The following CPXM2 variants were observed in gnomAD, a reference collection of about 807,000 sequenced individuals.
CPXM2 encodes the protein carboxypeptidase X, M14 family member 2.
Under a neutral mutation model 86.1 loss-of-function variants are expected in CPXM2, and 66 were observed. The ratio of observed to expected loss-of-function variants is 0.77; its 90% CI spans 0.63 to 0.94. The LOEUF (loss-of-function observed/expected upper bound fraction) is 0.94. CPXM2 is among the 40% of genes least tolerant of loss of function. The pLI, the probability that CPXM2 is intolerant of heterozygous loss-of-function variation, is 0.00. For missense variants in CPXM2, 948 were observed against 1,026.3 expected (o/e 0.92, Z 1.04); for synonymous variants, 388 against 400.2 (o/e 0.97, Z 0.36).
Position 123,887,772 on chromosome 10 carries a change from A to G in CPXM2, c.304+3584T>C, listed in dbSNP as rs1416627261. Among the ~76,000 whole-genome samples, 5 of 152,206 alleles carry G rather than the reference A, an allele frequency of 3.3e-5. 1 individual carries two copies. The highest frequency in any genetic ancestry group is 7.3e-5 in the Non-Finnish European group (5 of 68,044). ...AAAACATCAATCCTGCCAAGATTGA[A>G]GTATCTTGTACTAGAATCATCTAAG... On this transcript the variant is annotated intron_variant, in intron 1 of 13. Transcript: ENST00000241305.
At chr10:123,833,052 C>T (rs768727458) in intron 4 of CPXM2, among the ~76,000 whole-genome samples, 35 of 152,152 alleles carry the variant, frequency 2.3e-4, no homozygotes, top group Non-Finnish European at 4.3e-4. Flanking sequence ...GCCAGCACTT[C>T]GATCTTGGAC....
intron 4 of CPXM2, among the ~76,000 whole-genome samples, chr10:123,807,655 C>T (rs78761518): frequency 6.6e-6 from 1 of 152,224 alleles, no homozygotes; most frequent in African/African-American, 2.4e-5. Flanking sequence ...AGGAAGTCTG[C>T]GTGGCTTAGA....
At chr10:123,908,537 A>G (rs1246374830) in intron 2 of CPXM2, among the ~76,000 whole-genome samples, 2 of 152,138 alleles carry the variant, frequency 1.3e-5, no homozygotes, top group African/African-American at 4.8e-5. Flanking sequence ...GGAGACAGAC[A>G]TGCAGATGAG....
In CPXM2 at chr10:123,746,448, G is replaced by T; in HGVS notation, c.*316C>A. 1 of 363,250 alleles carries T rather than the reference G, an allele frequency of 2.8e-6. No homozygotes were observed. The allele number at this position is 363,250 out of a possible 1,614,324, so 22.5% of individuals were successfully genotyped here. ...AAGCACCAGAATCCTTTTCTATGCA[G>T]CCAGAGGCTCTGAACGGACAGGCTC... On this transcript the variant is annotated 3_prime_UTR_variant, in exon 14 of 14. Coordinates refer to ENST00000241305, the MANE Select transcript of CPXM2 (RefSeq NM_198148.3).
chr10:123,771,041 T>C lies in CPXM2; in HGVS notation c.979-2A>G. 1 of 1,611,768 alleles carries C rather than the reference T, an allele frequency of 6.2e-7. No individual in the cohort carries two copies. Among genetic ancestry groups the C allele is most frequent in the Non-Finnish European group, 8.5e-7 (1 of 1,179,068 alleles). Reference sequence around the variant, plus strand: ...CATTTCATTCACAACTTTCATCAACTGAAAAACAAGGTGAATCAAAAACTC... The same window carrying C: ...CATTTCATTCACAACTTTCATCAACCGAAAAACAAGGTGAATCAAAAACTC... On this transcript the variant is annotated splice_acceptor_variant, in intron 7 of 13. Coordinates refer to ENST00000241305, the MANE Select transcript of CPXM2 (RefSeq NM_198148.3). LOFTEE classifies it high-confidence loss of function.
In CPXM2 at chr10:123,938,766, C is replaced by T. The variant is rs912898098; in HGVS notation, n.174+711G>A. Among the ~76,000 whole-genome samples, 7 of 152,158 alleles carry T rather than the reference C, an allele frequency of 4.6e-5. No individual in the cohort carries two copies. The East Asian group carries it at 1.2e-3, about 25-fold the overall frequency. ...GTATACGCTCTGGTCTATGGTGAGC[C>T]AGTAGAAAGAGAGAGGGGTCATGCC... On this transcript the variant is annotated intron_variant and non_coding_transcript_variant, in intron 2 of 19. Coordinates refer to the CPXM2 transcript ENST00000368854.
chr10:123,752,315 T>A (rs1846096780), intron 13 of CPXM2: 10 of 984,952 alleles, frequency 1.0e-5, no homozygotes, highest in Non-Finnish European at 1.2e-5. Context: ...GTATTCAGTG[T>A]GAAGCCTCAT....
In CPXM2 at chr10:123,825,383, G is replaced by A. The variant is rs373417932; in HGVS notation, c.653+16966C>T. On this transcript the variant is annotated intron_variant, in intron 4 of 13. Transcript: ENST00000241305. Reference sequence around the variant, plus strand: ...TGGAAGAAGACATGCTAACTCAGCTGAATGCAGCAGGCCGTGGAGGAATAC... The same window carrying A: ...TGGAAGAAGACATGCTAACTCAGCTAAATGCAGCAGGCCGTGGAGGAATAC... Among the ~76,000 whole-genome samples, 42 of 152,340 alleles carry A rather than the reference G, an allele frequency of 2.8e-4. 1 individual carries two copies. The South Asian group carries it at 8.7e-3, about 32-fold the overall frequency.
intron 3 of CPXM2, among the ~76,000 whole-genome samples, chr10:123,851,376 A>G (rs988235523): frequency 1.3e-5 from 2 of 152,210 alleles, no homozygotes; most frequent in African/African-American, 4.8e-5. Flanking sequence ...TGAGGCAGAT[A>G]TATTGGGCAT....
At chr10:123,913,306 G>A (rs567853502) in intron 2 of CPXM2, among the ~76,000 whole-genome samples, 12 of 152,172 alleles carry the variant, frequency 7.9e-5, no homozygotes, top group South Asian at 2.1e-4. Context: ...ATCCAAGTGC[G>A]GAGTCTCAGG....
intron 8 of CPXM2, chr10:123,769,310 C>T (rs974069892): frequency 3.9e-5 from 6 of 152,716 alleles, no homozygotes; most frequent in African/African-American, 1.4e-4. Context: ...AGGGGCCGGC[C>T]GGGCGCAGCG....
upstream of CPXM2, among the ~76,000 whole-genome samples, chr10:123,892,576 T>A (rs1945293609): frequency 6.6e-6 from 1 of 152,186 alleles, no homozygotes; most frequent in African/African-American, 2.4e-5. Context: ...AGGGACTGCA[T>A]CGTTTCCCTT....
intron 10 of CPXM2, among the ~76,000 whole-genome samples, chr10:123,764,034 C>T (rs969465838): frequency 5.9e-5 from 9 of 152,196 alleles, no homozygotes; most frequent in East Asian, 1.9e-4. Flanking sequence ...CTCTCATCTG[C>T]GTTTCCTTAG....
rs547681482 is a variant in CPXM2 at position 123,786,881 on chromosome 10, C to G, written c.890-6626G>C. ...ATGTCAAATGTAGATTCACTGGGCA[C>G]TAAAGTCTCCCAAGGATGTCATCAT... On this transcript the variant is annotated intron_variant, in intron 6 of 13. Coordinates refer to ENST00000241305, the MANE Select transcript of CPXM2 (RefSeq NM_198148.3). Among the ~76,000 whole-genome samples, 4 of 152,336 alleles carry G rather than the reference C, an allele frequency of 2.6e-5. No homozygotes were observed. In the South Asian group the frequency reaches 8.3e-4, roughly 32 times the overall value.
At chr10:123,818,578 G>C (rs1444888403) in intron 4 of CPXM2, among the ~76,000 whole-genome samples, 1 of 152,188 alleles carries the variant, frequency 6.6e-6, no homozygotes, top group East Asian at 1.9e-4. Flanking sequence ...TGGACTCACG[G>C]AATGCCTTAT....
At chr10:123,798,190 C>A in intron 5 of CPXM2, 64 bp from the exon 6 acceptor site, 3 of 1,368,614 alleles carry the variant, frequency 2.2e-6, no homozygotes, top group Admixed American at 2.3e-5. Flanking sequence ...GATAAAAAGT[C>A]AGAATTCACT....
chr10:123,922,228 C>T, intron 2 of CPXM2, among the ~76,000 whole-genome samples: 1 of 148,664 alleles, frequency 6.7e-6, no homozygotes, highest in Middle Eastern at 3.2e-3. Flanking sequence ...CAAAATCACC[C>T]CAGTTGAGAA....
intron 2 of CPXM2, among the ~76,000 whole-genome samples, chr10:123,931,090 G>A (rs192755149): frequency 5.6e-4 from 85 of 152,132 alleles, no homozygotes; most frequent in Non-Finnish European, 1.1e-3. Flanking sequence ...AGTCAAGGGG[G>A]GTCTAGAAAA....
chr10:123,753,636 G>A (rs1846130269), intron 13 of CPXM2, among the ~76,000 whole-genome samples: 1 of 152,222 alleles, frequency 6.6e-6, no homozygotes, highest in Non-Finnish European at 1.5e-5. Flanking sequence ...GTGGGGAACA[G>A]CTCCTTGTTC....
Sources: gnomAD v4.1 joint callset for allele counts (sites outside exome capture counted in the v4.1 genomes callset) on GRCh38, gnomAD v4.1.1 for gene constraint, MANE v1.5 for transcripts, NCBI Gene and HGNC (gene_info 2026-07-23, HGNC 2026-07-21) for gene names.